F8: variants seen among roughly 807,000 people sequenced by gnomAD.
F8 encodes antihemophilic factor.
Under a neutral mutation model 140.6 loss-of-function variants are expected in F8, and 12 were observed. That is an observed-to-expected ratio of 0.09 (90% CI 0.05 to 0.14). F8 has a LOEUF of 0.14. Ranked by LOEUF, F8 falls within the 10% of genes least tolerant of loss-of-function variation. The pLI is 1.00. For synonymous variants in F8, 585 were observed against 614.6 expected (o/e 0.95, Z 0.71); for missense variants, 1,354 against 1,720.7 (o/e 0.79, Z 3.77).
chrX:154,959,225 T>C (rs2073382209), intron 10 of F8, among the ~76,000 whole-genome samples: 1 of 108,619 alleles, frequency 9.2e-6, no homozygotes. Flanking sequence ...AAAATAAAAA[T>C]AATAAAAAAA....
chrX:154,912,836 G>A lies in F8; in HGVS notation c.5220-6263C>T, dbSNP rs184930940. Among the ~76,000 whole-genome samples the A allele has an allele frequency of 5.7e-3, 639 of 111,641 alleles. 7 individuals carry two copies. The highest frequency in any genetic ancestry group is 0.02 in the African/African-American group (607 of 30,725). On this transcript the variant is annotated intron_variant, in intron 14 of 25. Coordinates refer to ENST00000360256, the MANE Select transcript of F8 (RefSeq NM_000132.4). ...TGGTGGAAGGTGAAGGGGAAGCAAGGCACCTTTTTCACAAGGTGGCAGGAG... is the reference window on the plus strand; with the variant it reads ...TGGTGGAAGGTGAAGGGGAAGCAAGACACCTTTTTCACAAGGTGGCAGGAG...
At chrX:154,990,765 C>T (rs1040850183) in intron 4 of F8, among the ~76,000 whole-genome samples, 2 of 111,763 alleles carry the variant, frequency 1.8e-5, no homozygotes, top group East Asian at 2.8e-4. Flanking sequence ...CTGGCCACTG[C>T]GTTGGACTCA....
At chrX:155,004,242 T>C (rs1463468702) in intron 1 of F8, among the ~76,000 whole-genome samples, 1 of 111,625 alleles carries the variant, frequency 9.0e-6, no homozygotes, top group African/African-American at 3.3e-5. Context: ...TGTGAAAGTA[T>C]CCTTCAAAAA....
chrX:155,008,213 G>A (rs2073686245), intron 1 of F8, among the ~76,000 whole-genome samples: 1 of 111,439 alleles, frequency 9.0e-6, no homozygotes, highest in African/African-American at 3.3e-5. Flanking sequence ...ATTCAAAGAT[G>A]ATTCTGTGTC....
chrX:154,839,904 G>C lies in F8; in HGVS notation c.6901-2152C>G, dbSNP rs148336131. 7.6e-3 allele frequency among the ~76,000 whole-genome samples: 848 copies of C among 112,204 alleles called. 12 individuals carry two copies. Among genetic ancestry groups the C allele is most frequent in the African/African-American group, 0.025 (769 of 30,872 alleles). On this transcript the variant is annotated intron_variant, in intron 25 of 25. Transcript: ENST00000360256. The stretch of plus-strand genomic sequence containing the variant: ...TACCATAAACATCTATAGAAATAAA[G>C]TTCTGTATTTGGAAAAATTTTTGAG...
chrX:155,000,595 G>GA (rs2073641002), intron 1 of F8, among the ~76,000 whole-genome samples: 2 of 112,151 alleles, frequency 1.8e-5, no homozygotes, highest in South Asian at 3.7e-4. Flanking sequence ...TCCTGCCCTG[G>GA]AAAAAAGCTT....
rs188628305 is a variant in F8 at position 154,852,650 on chromosome X, C to A, written c.6900+7782G>T. ...AAATTGGGAAGTATGACTCCTCCAA[C>A]GTTGTTCTTTTTCAAGATTGTTTTG... On this transcript the variant is annotated intron_variant, in intron 25 of 25. Transcript: ENST00000360256. Among the ~76,000 whole-genome samples the A allele has an allele frequency of 3.6e-5, 4 of 111,289 alleles. No homozygotes were observed. The East Asian group carries it at 1.1e-3, about 31-fold the overall frequency.
At chrX:155,019,610 AT>A (rs2073750285) in intron 1 of F8, among the ~76,000 whole-genome samples, 1 of 110,960 alleles carries the variant, frequency 9.0e-6, no homozygotes, top group Admixed American at 9.6e-5. Flanking sequence ...CCTGGGTAAC[AT>A]GGCAAAAACC....
chrX:154,869,734 C>A (rs1247145796), intron 22 of F8, among the ~76,000 whole-genome samples: 1 of 111,407 alleles, frequency 9.0e-6, no homozygotes, highest in Non-Finnish European at 1.9e-5. Flanking sequence ...AAAAAACCTT[C>A]AAAAAATCAT....
intron 10 of F8, among the ~76,000 whole-genome samples, chrX:154,957,410 A>AGAGCTTG (rs2073370757): frequency 9.0e-6 from 1 of 111,584 alleles, no homozygotes; most frequent in African/African-American, 3.3e-5. Flanking sequence ...TATATGCCAA[A>AGAGCTTG]GAGCTTGGCA....
intron 22 of F8, among the ~76,000 whole-genome samples, chrX:154,892,056 T>C (rs1557275211): frequency 8.9e-6 from 1 of 111,859 alleles, no homozygotes; most frequent in Non-Finnish European, 1.9e-5. Flanking sequence ...CTCATCCATG[T>C]CTGCCTAAAT....
At chrX:154,921,795 T>G (rs1238080725) in intron 14 of F8, among the ~76,000 whole-genome samples, 1 of 107,525 alleles carries the variant, frequency 9.3e-6, no homozygotes, top group Admixed American at 1.0e-4. Flanking sequence ...AACCAAACAC[T>G]GTATGTTCTC....
In F8 at chrX:154,895,064, T is replaced by C. The variant is rs1232710600; in HGVS notation, c.6429+1013A>G. 1.4e-4 allele frequency among the ~76,000 whole-genome samples: 16 copies of C among 111,418 alleles called. No individual in the cohort carries two copies. In the Admixed American group the frequency reaches 1.5e-3, roughly 11 times the overall value. ...ACACAGCAATAGTAGCTAGTACAGGTAGAAAAAGCCACTCTGAGGGAAACA... is the reference window on the plus strand; with the variant it reads ...ACACAGCAATAGTAGCTAGTACAGGCAGAAAAAGCCACTCTGAGGGAAACA... On this transcript the variant is annotated intron_variant, in intron 22 of 25. Coordinates refer to ENST00000360256, the MANE Select transcript of F8 (RefSeq NM_000132.4).
intron 14 of F8, among the ~76,000 whole-genome samples, chrX:154,912,926 TC>T (rs1352387236): frequency 9.0e-6 from 1 of 110,503 alleles, no homozygotes; most frequent in Non-Finnish European, 1.9e-5. Context: ...GAAAACTTAC[TC>T]ACTGTCATGA....
At position 154,929,161 on chromosome X, in the gene F8, G is replaced by A. The variant is rs77279948; in HGVS notation, c.4629C>T (p.Ser1543=). 7.4e-6 allele frequency: 9 copies of A among 1,209,513 alleles called. No homozygotes were observed. The African/African-American group carries it at 1.2e-4, about 16-fold the overall frequency. The change falls in exon 14 of 26, where the codon AGC becomes AGT. Residue 1543 remains serine, a synonymous_variant. Coordinates refer to ENST00000360256, the MANE Select transcript of F8 (RefSeq NM_000132.4). ...TCGCTCCCTCTGTTCCCTGAAGAAG[G>A]CTCCCTTCCACGAGATCCAGATGGC... The part of the protein sequence containing the change: ...SPGHLDLVEG[S]LLQGTEGAIK...
chrX:154,912,326 T>C (rs2073072935), intron 14 of F8, among the ~76,000 whole-genome samples: 1 of 112,747 alleles, frequency 8.9e-6, no homozygotes, highest in Admixed American at 9.4e-5. Context: ...AGTAGCTTCA[T>C]ACTTTCAGGT....
chrX:154,937,721 A>G (rs2073232278), intron 13 of F8, among the ~76,000 whole-genome samples: 1 of 111,568 alleles, frequency 9.0e-6, no homozygotes, highest in Non-Finnish European at 1.9e-5. Context: ...CTTTACAAAA[A>G]TGTGCAAGAC....
At chrX:154,850,123 T>TA (rs2072603156) in intron 25 of F8, among the ~76,000 whole-genome samples, 1 of 93,016 alleles carries the variant, frequency 1.1e-5, no homozygotes, top group Non-Finnish European at 2.2e-5. Context: ...GTGTGTGTAT[T>TA]TTTTTTTTGT....
chrX:154,895,684 C>T (rs2072974953), intron 22 of F8, among the ~76,000 whole-genome samples: 1 of 111,728 alleles, frequency 9.0e-6, no homozygotes, highest in Non-Finnish European at 1.9e-5. Flanking sequence ...AAGTTTCACC[C>T]ATCCTTTTAT....
Sources: allele counts gnomAD v4.1 joint callset (sites outside exome capture counted in the v4.1 genomes callset), GRCh38; gene constraint gnomAD v4.1.1; transcripts MANE v1.5; gene names NCBI Gene and HGNC (gene_info 2026-07-23, HGNC 2026-07-21).